Variants in G6PC3 observed in about 807,000 individuals in gnomAD.
The protein encoded by G6PC3 is glucose-6-phosphatase catalytic subunit 3.
Under a neutral mutation model 38.6 loss-of-function variants are expected in G6PC3, and 30 were observed. That is an observed-to-expected ratio of 0.78 (90% CI 0.58 to 1.05). The LOEUF (loss-of-function observed/expected upper bound fraction) is 1.05. Among genes scored for constraint, G6PC3 ranks in the 50% least tolerant of loss-of-function variants. The pLI is 0.00. For missense variants in G6PC3, 377 were observed against 443.1 expected, an observed-to-expected ratio of 0.85 and a Z score of 1.34; for synonymous variants, 192 against 178.1, an observed-to-expected ratio of 1.08 and a Z score of -0.62.
intron 1 of G6PC3, chr17:44,071,844 G>C (rs1239923230): frequency 7.0e-6 from 3 of 429,776 alleles, no homozygotes; most frequent in South Asian, 4.8e-5. Flanking sequence ...TAAAGTTTGG[G>C]CTAAAGCACT....
intron 1 of G6PC3, chr17:44,071,914 GAGACTT>G: frequency 3.0e-6 from 1 of 338,386 alleles, no homozygotes; most frequent in South Asian, 2.2e-5. Context: ...TCTTCACACT[GAGACTT>G]AGAAGCCAGG....
chr17:44,071,424 C>A, intron 1 of G6PC3: 1 of 678,170 alleles, frequency 1.5e-6, no homozygotes, highest in Non-Finnish European at 2.4e-6. Context: ...ACCTAAGGGG[C>A]GTGTCTAAAA....
Position 44,071,007 on chromosome 17 carries a change from G to A in G6PC3, c.42G>A (p.Ala14=), listed in dbSNP as rs778761991. The part of the protein sequence containing the change: ...TLGAGIVIAE[A]LQNQLAWLEN... ...GCGCGGGCATCGTGATAGCCGAGGC[G>A]CTACAGAACCAGCTAGCCTGGCTGG... is the stretch of plus-strand genomic sequence containing the variant. Residue 14 remains alanine (A), a synonymous_variant, in exon 1 of 6, where the codon GCG becomes GCA. Coordinates refer to ENST00000269097, the MANE Select transcript of G6PC3 (RefSeq NM_138387.4). The A allele has an allele frequency of 2.6e-6, 4 of 1,567,196 alleles. No homozygotes were observed. Among genetic ancestry groups the A allele is most frequent in the Non-Finnish European group, 3.5e-6 (4 of 1,155,128 alleles).
chr17:44,075,999 C>G lies in G6PC3; in HGVS notation c.997C>G (p.His333Asp), dbSNP rs151105942. The change falls in exon 6 of 6, where the codon CAC (histidine) becomes GAC (aspartate). Residue 333 changes from histidine to aspartate, a missense_variant. Physicochemically the swap from His to Asp is moderately conservative, Grantham distance 81. Transcript: ENST00000269097. ...CCTGGCCCTCGTGCCCTGGGCAGTG[C>G]ACATGTTCAGTGCCCAGGAAGCACC... is the stretch of plus-strand genomic sequence containing the variant. ...LVLALVPWAV[H>D]MFSAQEAPPI... 2 of 1,613,022 alleles carry G rather than the reference C, an allele frequency of 1.2e-6. No individual in the cohort carries two copies. Among genetic ancestry groups the G allele is most frequent in the African/African-American group, 2.7e-5 (2 of 74,914 alleles).
At chr17:44,074,052 T>G in intron 1 of G6PC3, 108 bp from the exon 2 acceptor site, 1 of 800,948 alleles carries the variant, frequency 1.2e-6, no homozygotes, top group South Asian at 1.3e-5. Context: ...TAGTCCCTTT[T>G]TGACTTCACC....
chr17:44,075,567 G>T, intron 5 of G6PC3, 113 bp from the exon 6 acceptor site: 1 of 1,597,278 alleles, frequency 6.3e-7, no homozygotes, highest in South Asian at 1.1e-5. Context: ...TATTCACATA[G>T]ACCCTCACAG....
At position 44,070,926 on chromosome 17, in the gene G6PC3, C is replaced by T; in HGVS notation, c.-40C>T. ...TTCGTTGCCTGGACTCTGGTTTCCG[C>T]CCTGGAGCAAGCCGGGGCCTGGTCG... On this transcript the variant is annotated 5_prime_UTR_variant, in exon 1 of 6. Coordinates refer to ENST00000269097, the MANE Select transcript of G6PC3 (RefSeq NM_138387.4). 6.5e-7 allele frequency: 1 copy of T among 1,543,734 alleles called. No homozygotes were observed. Among genetic ancestry groups the T allele is most frequent in the Non-Finnish European group, 8.7e-7 (1 of 1,146,668 alleles).
upstream of G6PC3, chr17:44,070,709 AC>A (rs1438290106): frequency 7.5e-6 from 4 of 530,626 alleles, no homozygotes; most frequent in Middle Eastern, 5.2e-4. Context: ...AAACGCCTTT[AC>A]AAAGGTTTGT....
rs1476828813 is a variant in G6PC3 at position 44,070,934 on chromosome 17, C to G, written c.-32C>G. On this transcript the variant is annotated 5_prime_UTR_variant, in exon 1 of 6. Coordinates refer to ENST00000269097, the MANE Select transcript of G6PC3 (RefSeq NM_138387.4). Reference sequence around the variant, plus strand: ...CTGGACTCTGGTTTCCGCCCTGGAGCAAGCCGGGGCCTGGTCGGCAGCTGG... The same window carrying G: ...CTGGACTCTGGTTTCCGCCCTGGAGGAAGCCGGGGCCTGGTCGGCAGCTGG... 6.5e-7 allele frequency: 1 copy of G among 1,545,924 alleles called. No individual in the cohort carries two copies. The highest frequency in any genetic ancestry group is 1.2e-5 in the South Asian group (1 of 83,984).
Position 44,071,027 on chromosome 17 carries a change from G to A in G6PC3, c.62G>A (p.Trp21Ter). 6.3e-7 allele frequency: 1 copy of A among 1,587,026 alleles called. No homozygotes were observed. The highest frequency in any genetic ancestry group is 1.7e-4 in the Middle Eastern group (1 of 6,012). The change falls in exon 1 of 6, where the codon TGG becomes TAG. Residue 21 changes from tryptophan (W) to a stop codon, truncating the protein, a stop_gained. Coordinates refer to ENST00000269097, the MANE Select transcript of G6PC3 (RefSeq NM_138387.4). LOFTEE classifies it high-confidence loss of function. ...IAEALQNQLA[W>*]LENVWLWITF... ...GAGGCGCTACAGAACCAGCTAGCCT[G>A]GCTGGAGAACGTGTGGCTCTGGATC...
At chr17:44,073,111 T>A (rs2050013008) in intron 1 of G6PC3, 1 of 152,304 alleles carries the variant, frequency 6.6e-6, no homozygotes, top group Non-Finnish European at 1.5e-5. Context: ...ATTGTGTGGT[T>A]CCCAGGGCCC....
At chr17:44,071,411 AT>A in intron 1 of G6PC3, 3 of 733,168 alleles carry the variant, frequency 4.1e-6, no homozygotes, top group Non-Finnish European at 6.5e-6. Context: ...TGATGGAAAA[AT>A]CACCTAAGGG....
At position 44,075,846 on chromosome 17, in the gene G6PC3, C is replaced by G. The variant is rs752323869; in HGVS notation, c.844C>G (p.Gln282Glu). 8.7e-6 allele frequency: 14 copies of G among 1,612,072 alleles called. No homozygotes were observed. Among genetic ancestry groups the G allele is most frequent in the Non-Finnish European group, 8.5e-6 (10 of 1,180,018 alleles). ...QVRRAQLGNG[Q>E]KIACLVLAMG... ...GCGTCGGGCACAGCTGGGAAATGGC[C>G]AGAAGATAGCCTGCCTTGTGCTGGC... is the stretch of plus-strand genomic sequence containing the variant. Residue 282 changes from glutamine (Q) to glutamate (E), a missense_variant, in exon 6 of 6, where the codon CAG (glutamine) becomes GAG (glutamate). By Grantham distance (29) the Gln-to-Glu change is conservative (BLOSUM62 2). Coordinates refer to ENST00000269097, the MANE Select transcript of G6PC3 (RefSeq NM_138387.4).
Position 44,075,007 on chromosome 17 carries a change from C to A in G6PC3, c.455C>A (p.Thr152Asn), listed in dbSNP as rs749247608. The A allele has an allele frequency of 6.2e-7, 1 of 1,614,176 alleles. No homozygotes were observed. Among genetic ancestry groups the A allele is most frequent in the Non-Finnish European group, 8.5e-7 (1 of 1,180,022 alleles). ...GTGATGCCTAGCCTGGCTTATTGCA[C>A]CTTCCTTTTGGCGGTTGGCTTGTCG... is the stretch of plus-strand genomic sequence containing the variant. ...VRVMPSLAYCTFLLAVGLSRI... is the reference protein window; with the variant it reads ...VRVMPSLAYCNFLLAVGLSRI... Residue 152 changes from threonine to asparagine, a missense_variant, in exon 4 of 6, where the codon ACC becomes AAC. Physicochemically the swap from Thr to Asn is moderately conservative, Grantham distance 65. Transcript: ENST00000269097.
At chr17:44,074,623 G>T (rs2050040950) in intron 2 of G6PC3, 57 bp from the exon 3 acceptor site, 1 of 1,482,180 alleles carries the variant, frequency 6.7e-7, no homozygotes, top group South Asian at 1.1e-5. Flanking sequence ...GGCATCACCA[G>T]GGGCCCCGGG....
chr17:44,071,204 G>T, intron 1 of G6PC3, 21 bp downstream of exon 1: 1 of 1,608,274 alleles, frequency 6.2e-7, no homozygotes. Context: ...GAAGCCCTCC[G>T]GCATCCTGGT....
chr17:44,074,536 G>T, intron 2 of G6PC3, 144 bp from the exon 3 acceptor site: 1 of 762,494 alleles, frequency 1.3e-6, no homozygotes, highest in East Asian at 2.7e-5. Flanking sequence ...CAGTAAAAAG[G>T]CCTCAGAGCA....
rs769391409 is a variant in G6PC3, at chr17:44,071,090, A to G, written c.125A>G (p.Tyr42Cys). 3.1e-6 allele frequency: 5 copies of G among 1,613,718 alleles called. No homozygotes were observed. Among genetic ancestry groups the G allele is most frequent in the Middle Eastern group, 3.3e-4 (2 of 6,060 alleles). ...GATCCCAAGATCCTCTTTCTGTTCT[A>G]CTTCCCCGCGGCCTACTACGCCTCC... ...LGDPKILFLF[Y>C]FPAAYYASRR... The change falls in exon 1 of 6, where the codon TAC becomes TGC. Residue 42 changes from tyrosine (Y) to cysteine (C), a missense_variant. Physicochemically the swap from Tyr to Cys is radical, Grantham distance 194. Transcript: ENST00000269097.
In G6PC3 at chr17:44,070,820, CG is replaced by C; in HGVS notation, c.-142del. On this transcript the variant is annotated 5_prime_UTR_variant, in exon 1 of 6. Transcript: ENST00000269097. ...TGCAGGAGCGGGGGACTGCTGGGGG[CG>C]GGGCTTGGTGGTGACCGCTGGCGGG... 1.2e-6 allele frequency: 1 copy of C among 819,498 alleles called. No homozygotes were observed. The highest frequency in any genetic ancestry group is 1.5e-5 in the South Asian group (1 of 67,200). The allele number at this position is 819,498 out of a possible 1,614,324, so 50.8% of individuals were successfully genotyped here.
Sources: allele counts gnomAD v4.1 joint callset, GRCh38; gene constraint gnomAD v4.1.1; transcripts MANE v1.5; gene names NCBI Gene and HGNC (gene_info 2026-07-23, HGNC 2026-07-21).